DPP10: variants seen among roughly 807,000 people sequenced by gnomAD.
The protein encoded by DPP10 is inactive dipeptidyl peptidase 10.
In DPP10, 33 loss-of-function variants were observed where a neutral mutation model predicts 120.9. That is an observed-to-expected ratio of 0.27 (90% CI 0.21 to 0.37). DPP10 has a LOEUF of 0.37. Ranked by LOEUF, DPP10 falls within the 10% of genes least tolerant of loss-of-function variation. The pLI, the probability that DPP10 is intolerant of heterozygous loss-of-function variation, is 1.00. For synonymous variants in DPP10, 337 were observed against 326.1 expected, an observed-to-expected ratio of 1.03 and a Z score of -0.36; for missense variants, 816 against 942.8, an observed-to-expected ratio of 0.87 and a Z score of 1.76.
chr2:115,120,989 A>G (rs974105853), intron 1 of DPP10, among the ~76,000 whole-genome samples: 2 of 152,232 alleles, frequency 1.3e-5, no homozygotes, highest in Admixed American at 6.5e-5. Context: ...TTATCTGAAT[A>G]CTTTAGAAGT....
rs2071673268 is a variant in DPP10, at chr2:115,438,150, C to A, written c.272-61360C>A. The stretch of plus-strand genomic sequence containing the variant: ...TGAAAAGATGTTAAACATCACTAAC[C>A]ATTAGGAAAATGCAAATCAAAACCA... On this transcript the variant is annotated intron_variant, in intron 3 of 25. Coordinates refer to ENST00000410059, the MANE Select transcript of DPP10 (RefSeq NM_020868.6). 2.6e-5 allele frequency among the ~76,000 whole-genome samples: 4 copies of A among 152,036 alleles called. No homozygotes were observed. In the South Asian group the frequency reaches 6.2e-4, roughly 24 times the overall value.
intron 1 of DPP10, among the ~76,000 whole-genome samples, chr2:115,143,334 A>T (rs2051034587): frequency 6.6e-6 from 1 of 152,204 alleles, no homozygotes; most frequent in Non-Finnish European, 1.5e-5. Context: ...GATGGAAGTT[A>T]AAGTACTAGT....
At chr2:115,832,847 G>A (rs2421343) in intron 21 of DPP10, among the ~76,000 whole-genome samples, 13,166 of 151,948 alleles carry the variant, frequency 0.087, 625 homozygotes, top group South Asian at 0.14. Context: ...ACATCGGCTG[G>A]GACTAAGAAG....
chr2:114,870,639 C>CA lies in DPP10; in HGVS notation c.60+427809dup, dbSNP rs796291500. On this transcript the variant is annotated intron_variant, in intron 1 of 25. Transcript: ENST00000410059. ...CCTAGAAGTGAGTGTTACAGAATCT[C>CA]AAAAAAAATATTTTGATAATATCAC... 4.3e-4 allele frequency among the ~76,000 whole-genome samples: 45 copies of CA among 105,202 alleles called. 7 individuals are homozygous for CA. The highest frequency in any genetic ancestry group is 1.2e-3 in the African/African-American group (40 of 32,556). The allele number at this position is 105,202 out of a possible 152,430, so 69.0% of individuals were successfully genotyped here.
At chr2:115,328,087 CA>C (rs2062471522) in intron 2 of DPP10, among the ~76,000 whole-genome samples, 1 of 151,802 alleles carries the variant, frequency 6.6e-6, no homozygotes, top group African/African-American at 2.4e-5. Context: ...TAAAGACATG[CA>C]ATAAAAATTT....
intron 1 of DPP10, among the ~76,000 whole-genome samples, chr2:114,923,153 T>C (rs2106636579): frequency 6.6e-6 from 1 of 152,134 alleles, no homozygotes; most frequent in East Asian, 1.9e-4. Context: ...ATATGATTTA[T>C]AATTTTTTTT....
chr2:115,384,596 A>C (rs1183156747), intron 3 of DPP10, among the ~76,000 whole-genome samples: 1 of 148,724 alleles, frequency 6.7e-6, no homozygotes, highest in African/African-American at 2.5e-5. Flanking sequence ...GAAAAGGAAG[A>C]AGGAGGAAGA....
intron 1 of DPP10, among the ~76,000 whole-genome samples, chr2:115,023,353 A>G (rs185990613): frequency 6.6e-6 from 1 of 152,224 alleles, no homozygotes; most frequent in African/African-American, 2.4e-5. Context: ...ACAATTCTCT[A>G]AAAAAGATAT....
intron 3 of DPP10, among the ~76,000 whole-genome samples, chr2:115,454,745 G>A (rs985508018): frequency 8.6e-5 from 13 of 151,416 alleles, no homozygotes; most frequent in African/African-American, 1.5e-4. Flanking sequence ...GGAAAAAAAA[G>A]CAATTAACAG....
intron 7 of DPP10, 66 bp from the exon 8 acceptor site, chr2:115,727,750 T>C (rs2092800665): frequency 1.3e-6 from 2 of 1,499,174 alleles, no homozygotes; most frequent in African/African-American, 1.4e-5. Flanking sequence ...CATTCTGTAA[T>C]ATTAAAGTTT....
At chr2:114,670,497 A>G (rs1386024850) in intron 1 of DPP10, among the ~76,000 whole-genome samples, 1 of 149,756 alleles carries the variant, frequency 6.7e-6, no homozygotes, top group Non-Finnish European at 1.5e-5. Context: ...ACATGGACAC[A>G]GGAAGGGGAA....
intron 1 of DPP10, among the ~76,000 whole-genome samples, chr2:115,105,029 T>C (rs1455460576): frequency 6.6e-6 from 1 of 151,970 alleles, no homozygotes; most frequent in Non-Finnish European, 1.5e-5. Flanking sequence ...ATCTGTTTTA[T>C]AAAATCAACG....
At position 114,611,276 on chromosome 2, in the gene DPP10, C is replaced by T. The variant is rs762152709; in HGVS notation, c.60+168438C>T. Reference sequence around the variant, plus strand: ...TATAAAAAGCAGAAAAGGAAGACAACATGATTTCATGTGCTTACAGGAAAT... The same window carrying T: ...TATAAAAAGCAGAAAAGGAAGACAATATGATTTCATGTGCTTACAGGAAAT... On this transcript the variant is annotated intron_variant, in intron 1 of 25. Coordinates refer to ENST00000410059, the MANE Select transcript of DPP10 (RefSeq NM_020868.6). 4.6e-5 allele frequency among the ~76,000 whole-genome samples: 7 copies of T among 152,290 alleles called. No individual in the cohort carries two copies. The South Asian group carries it at 6.2e-4, about 14-fold the overall frequency.
intron 1 of DPP10, among the ~76,000 whole-genome samples, chr2:114,979,927 CT>C (rs1270029913): frequency 1.3e-5 from 2 of 152,020 alleles, no homozygotes; most frequent in Non-Finnish European, 2.9e-5. Flanking sequence ...TGGTATCTTC[CT>C]AAGAAAATTT....
chr2:114,584,659 CT>C (rs1573720724), intron 1 of DPP10, among the ~76,000 whole-genome samples: 1 of 150,332 alleles, frequency 6.7e-6, no homozygotes, highest in African/African-American at 2.5e-5. Context: ...GGTTATTTGC[CT>C]TTTTTTAAAT....
intron 5 of DPP10, among the ~76,000 whole-genome samples, chr2:115,669,627 TG>T (rs2089718480): frequency 6.6e-6 from 1 of 152,164 alleles, no homozygotes; most frequent in South Asian, 2.1e-4. Flanking sequence ...TTCTCTGTGG[TG>T]GCAAAATTGC....
intron 1 of DPP10, among the ~76,000 whole-genome samples, chr2:114,483,147 C>T (rs911307021): frequency 3.3e-5 from 5 of 152,032 alleles, no homozygotes; most frequent in Non-Finnish European, 7.4e-5. Flanking sequence ...TTTGTTGTCA[C>T]CAGAGCCAGT....
In DPP10 at chr2:115,689,909, A is replaced by G. The variant is rs2091216730; in HGVS notation, c.564A>G (p.Gln188=). The change falls in exon 7 of 26, where the codon CAA becomes CAG. Residue 188 remains glutamine, a synonymous_variant. Transcript: ENST00000410059. ...SVLQYAAWGV[Q]GQQLIYIFEN... is the part of the protein sequence containing the mutation. ...TGCAGTACGCGGCCTGGGGTGTCCA[A>G]GGGCAGCAGCTGGTAAGCGCAGGCA... 1 of 1,613,784 alleles carries G rather than the reference A, an allele frequency of 6.2e-7. No homozygotes were observed. Among genetic ancestry groups the G allele is most frequent in the Non-Finnish European group, 8.5e-7 (1 of 1,179,930 alleles).
At chr2:114,460,454 G>C (rs1183897155) in intron 1 of DPP10, among the ~76,000 whole-genome samples, 1 of 152,056 alleles carries the variant, frequency 6.6e-6, no homozygotes, top group African/African-American at 2.4e-5. Context: ...TCTGAACGGT[G>C]ATAATTCTGA....
Sources: gnomAD v4.1 joint callset for allele counts (sites outside exome capture counted in the v4.1 genomes callset) on GRCh38, gnomAD v4.1.1 for gene constraint, MANE v1.5 for transcripts, NCBI Gene and HGNC (gene_info 2026-07-23, HGNC 2026-07-21) for gene names.